Variants in PTPRQ observed in about 807,000 individuals in gnomAD.
PTPRQ encodes phosphatidylinositol phosphatase PTPRQ.
Under a neutral mutation model 246.0 loss-of-function variants are expected in PTPRQ, and 199 were observed. The observed-to-expected ratio is 0.81, with a 90% CI of 0.72 to 0.91. The LOEUF (loss-of-function observed/expected upper bound fraction) is 0.91. Among genes scored for constraint, PTPRQ ranks in the 40% least tolerant of loss-of-function variants. The pLI, the probability that PTPRQ is intolerant of heterozygous loss-of-function variation, is 0.00. For synonymous variants in PTPRQ, 869 were observed against 853.2 expected (o/e 1.02, Z -0.32); for missense variants, 2,624 against 2,528.4 (o/e 1.04, Z -0.81).
chr12:80,651,073 C>T (rs1339795795), intron 37 of PTPRQ, among the ~76,000 whole-genome samples: 29 of 152,048 alleles, frequency 1.9e-4, no homozygotes, highest in Admixed American at 1.9e-3. Flanking sequence ...TTGGCACATA[C>T]AATCAGCACT....
intron 17 of PTPRQ, among the ~76,000 whole-genome samples, chr12:80,533,084 A>G (rs998894710): frequency 1.3e-5 from 2 of 152,192 alleles, no homozygotes; most frequent in African/African-American, 2.4e-5. Flanking sequence ...TACATGAGAC[A>G]TATACTTTTT....
intron 35 of PTPRQ, 139 bp downstream of exon 35, chr12:80,635,212 G>A (rs1278977991): frequency 2.7e-5 from 35 of 1,311,984 alleles, no homozygotes; most frequent in African/African-American, 4.6e-5. Flanking sequence ...AGTGACCTCC[G>A]TCTTCTACAC....
chr12:80,663,480 C>G lies in PTPRQ; in HGVS notation c.6192+5419C>G, dbSNP rs60573969. Among the ~76,000 whole-genome samples, 1,488 of 151,688 alleles carry G rather than the reference C, an allele frequency of 9.8e-3. 28 individuals carry two copies. Among genetic ancestry groups the G allele is most frequent in the African/African-American group, 0.034 (1,411 of 41,322 alleles). The stretch of plus-strand genomic sequence containing the variant: ...GTGCCACCTCCACATCATTCTCTAT[C>G]CCTCTGCCCTAAAATTGCCAGCTTG... On this transcript the variant is annotated intron_variant, in intron 39 of 44. Transcript: ENST00000644991.
At chr12:80,524,964 G>A (rs907385241) in intron 17 of PTPRQ, among the ~76,000 whole-genome samples, 1 of 152,174 alleles carries the variant, frequency 6.6e-6, no homozygotes, top group African/African-American at 2.4e-5. Flanking sequence ...TTTGGTAACA[G>A]CATGTGTGAA....
At chr12:80,466,153 C>T (rs940727075) in intron 6 of PTPRQ, among the ~76,000 whole-genome samples, 1 of 152,162 alleles carries the variant, frequency 6.6e-6, no homozygotes, top group Non-Finnish European at 1.5e-5. Flanking sequence ...GCAATTTCAG[C>T]AAAGTCTCAG....
At chr12:80,606,597 G>A (rs1407931527) in intron 27 of PTPRQ, among the ~76,000 whole-genome samples, 1 of 150,930 alleles carries the variant, frequency 6.6e-6, no homozygotes, top group Non-Finnish European at 1.5e-5. Flanking sequence ...GCATTAAATT[G>A]TATAGCATAG....
intron 3 of PTPRQ, among the ~76,000 whole-genome samples, chr12:80,448,743 A>G (rs1237253665): frequency 6.7e-6 from 1 of 148,888 alleles, no homozygotes; most frequent in Non-Finnish European, 1.5e-5. Context: ...CATGGTGTAT[A>G]TGTGCCACTT....
intron 17 of PTPRQ, among the ~76,000 whole-genome samples, chr12:80,516,520 T>G (rs1250435943): frequency 6.6e-6 from 1 of 152,200 alleles, no homozygotes; most frequent in Non-Finnish European, 1.5e-5. Context: ...GATATGCCCA[T>G]GTGAAATAAT....
At chr12:80,639,287 G>A (rs942234232) in intron 35 of PTPRQ, among the ~76,000 whole-genome samples, 7 of 152,080 alleles carry the variant, frequency 4.6e-5, no homozygotes, top group African/African-American at 1.2e-4. Context: ...TTTAAGTCAC[G>A]GAAGTTTTGT....
chr12:80,482,290 A>T (rs1230882909), intron 8 of PTPRQ, among the ~76,000 whole-genome samples: 1 of 151,656 alleles, frequency 6.6e-6, no homozygotes, highest in Non-Finnish European at 1.5e-5. Context: ...TTCCTTATTT[A>T]ATAAATGGTG....
chr12:80,627,794 T>C (rs1899263091), intron 33 of PTPRQ, among the ~76,000 whole-genome samples: 1 of 152,084 alleles, frequency 6.6e-6, no homozygotes, highest in Admixed American at 6.6e-5. Flanking sequence ...AAGAATTCCA[T>C]TTTCTATTAA....
At chr12:80,562,435 A>C (rs984101514) in intron 25 of PTPRQ, among the ~76,000 whole-genome samples, 1 of 152,208 alleles carries the variant, frequency 6.6e-6, no homozygotes, top group Admixed American at 6.5e-5. Flanking sequence ...TTTTAAAATT[A>C]CATTTTTATG....
chr12:80,525,746 A>G (rs1206477781), intron 17 of PTPRQ, among the ~76,000 whole-genome samples: 2 of 151,660 alleles, frequency 1.3e-5, no homozygotes, highest in African/African-American at 2.4e-5. Context: ...TAAGAAGTCA[A>G]TTTATTACTG....
intron 26 of PTPRQ, among the ~76,000 whole-genome samples, chr12:80,597,294 T>C (rs985814930): frequency 3.9e-5 from 6 of 152,022 alleles, no homozygotes; most frequent in African/African-American, 1.4e-4. Flanking sequence ...GACTCCAGTA[T>C]GACGATGGCC....
intron 3 of PTPRQ, among the ~76,000 whole-genome samples, chr12:80,451,358 T>A (rs1323154365): frequency 9.1e-6 from 1 of 109,930 alleles, no homozygotes; most frequent in Non-Finnish European, 1.8e-5. Context: ...TTTTGAAGGG[T>A]TTTTTGTGTC....
At chr12:80,520,038 G>C (rs1022131201) in intron 17 of PTPRQ, among the ~76,000 whole-genome samples, 1 of 152,088 alleles carries the variant, frequency 6.6e-6, no homozygotes, top group African/African-American at 2.4e-5. Context: ...TGGGGATTGG[G>C]GGGGATACAT....
intron 43 of PTPRQ, among the ~76,000 whole-genome samples, chr12:80,676,290 G>T (rs981432718): frequency 6.6e-6 from 1 of 152,128 alleles, no homozygotes; most frequent in African/African-American, 2.4e-5. Context: ...GCCACTAAAA[G>T]GCACTGAGGT....
intron 25 of PTPRQ, among the ~76,000 whole-genome samples, chr12:80,570,997 T>C (rs1897129994): frequency 1.3e-5 from 2 of 152,210 alleles, no homozygotes; most frequent in Non-Finnish European, 2.9e-5. Flanking sequence ...CCTTGTAATA[T>C]AGTTTGAAGC....
At chr12:80,666,328 T>C (rs1004985811) in intron 39 of PTPRQ, among the ~76,000 whole-genome samples, 2 of 151,960 alleles carry the variant, frequency 1.3e-5, no homozygotes, top group African/African-American at 4.8e-5. Context: ...GAAAAATAAA[T>C]ACCACATGTT....
Sources: gnomAD v4.1 joint callset for allele counts (sites outside exome capture counted in the v4.1 genomes callset) on GRCh38, gnomAD v4.1.1 for gene constraint, MANE v1.5 for transcripts, NCBI Gene and HGNC (gene_info 2026-07-23, HGNC 2026-07-21) for gene names.